DYM: variants seen among roughly 807,000 people sequenced by gnomAD.
The protein encoded by DYM is dymeclin.
DYM carries 78 observed loss-of-function variants against 93.1 expected under a neutral mutation model. The observed-to-expected ratio is 0.84, with a 90% confidence interval of 0.70 to 1.01. The LOEUF (loss-of-function observed/expected upper bound fraction) is 1.01, where lower values mean the gene tolerates loss of function less well. Ranked by LOEUF, DYM falls within the 50% of genes least tolerant of loss-of-function variation. The pLI is 0.00. For missense variants in DYM, 789 were observed against 845.0 expected (o/e 0.93, Z 0.82); for synonymous variants, 321 against 319.7 (o/e 1.00, Z -0.04).
intron 1 of DYM, among the ~76,000 whole-genome samples, chr18:49,440,455 T>C (rs1379229570): frequency 9.4e-6 from 1 of 106,044 alleles, no homozygotes; most frequent in Non-Finnish European, 1.8e-5. Flanking sequence ...ATATATTATA[T>C]ATTTATATAA....
rs1475687292 is a variant in DYM, at chr18:49,434,030, T to C, written c.-53-3583A>G. On this transcript the variant is annotated intron_variant, in intron 1 of 17. Transcript: ENST00000675505. ...TTTGAGACCAGCCTGACCAATAGGA[T>C]GAAACCCTGTCTCTATTAAAAATAC... is the stretch of plus-strand genomic sequence containing the variant. 2.0e-5 allele frequency among the ~76,000 whole-genome samples: 3 copies of C among 152,004 alleles called. No homozygotes were observed. In the East Asian group the frequency reaches 5.8e-4, roughly 29 times the overall value.
rs184901685 is a variant in DYM, at chr18:49,378,694, G to A, written c.294C>T (p.Ile98=). 9.3e-6 allele frequency: 15 copies of A among 1,612,976 alleles called. No homozygotes were observed. The change falls in exon 5 of 18, where the codon ATC becomes ATT. Residue 98 remains isoleucine, a synonymous_variant. Coordinates refer to ENST00000675505, the MANE Select transcript of DYM (RefSeq NM_001353214.3). The part of the protein sequence containing the change: ...LKLSAECQNH[I]FIWQTHNALF... ...AAGCATTGTGTGTCTGCCAAATGAAGATGTGGCTAGAAAGACCAAAATCAT... is the reference window on the plus strand; with the variant it reads ...AAGCATTGTGTGTCTGCCAAATGAAAATGTGGCTAGAAAGACCAAAATCAT...
At chr18:49,425,935 T>G (rs61642782) in intron 2 of DYM, among the ~76,000 whole-genome samples, 12,302 of 151,976 alleles carry the variant, frequency 0.081, 685 homozygotes, top group African/African-American at 0.15. Flanking sequence ...GGAACACTTT[T>G]ACACTGTTGG....
At chr18:49,209,362 A>G (rs938943900) in intron 14 of DYM, among the ~76,000 whole-genome samples, 189 bp downstream of exon 14, 1 of 152,268 alleles carries the variant, frequency 6.6e-6, no homozygotes, top group African/African-American at 2.4e-5. Context: ...GAAACATAAT[A>G]TAAATTACTT....
intron 5 of DYM, among the ~76,000 whole-genome samples, chr18:49,365,731 G>T (rs1418090565): frequency 6.6e-6 from 1 of 152,158 alleles, no homozygotes; most frequent in Non-Finnish European, 1.5e-5. Flanking sequence ...CAAGCAGCCA[G>T]CACAGTTTTT....
In DYM at chr18:49,044,105, G is replaced by A; in HGVS notation, c.2125C>T (p.Leu709=). 1 of 1,614,112 alleles carries A rather than the reference G, an allele frequency of 6.2e-7. No individual in the cohort carries two copies. The highest frequency in any genetic ancestry group is 8.5e-7 in the Non-Finnish European group (1 of 1,180,042). ...WSLVYNSAVG[L]YWNPQDIQLF... ...TGGATGTCCTGTGGATTCCAGTACA[G>A]GCCGACTGCTGAGTTGTAGACAAGA... is the stretch of plus-strand genomic sequence containing the variant. The change falls in exon 18 of 18, where the codon CTG becomes TTG. Residue 709 remains leucine, a synonymous_variant. Coordinates refer to ENST00000675505, the MANE Select transcript of DYM (RefSeq NM_001353214.3).
At chr18:49,258,609 CACAG>C (rs2094432634) in intron 11 of DYM, 116 bp from the exon 12 acceptor site, 2 of 722,914 alleles carry the variant, frequency 2.8e-6, no homozygotes, top group East Asian at 2.7e-5. Context: ...AGTTAAGCAG[CACAG>C]ACAGAGGCCA....
At chr18:49,262,260 G>A (rs901209279) in intron 11 of DYM, among the ~76,000 whole-genome samples, 13 of 152,028 alleles carry the variant, frequency 8.6e-5, no homozygotes, top group African/African-American at 2.7e-4. Flanking sequence ...TATTGCCTGC[G>A]ACCACCAGAA....
chr18:49,109,679 G>A (rs1599817752), intron 16 of DYM, among the ~76,000 whole-genome samples: 1 of 152,224 alleles, frequency 6.6e-6, no homozygotes, highest in Non-Finnish European at 1.5e-5. Context: ...AGGGTTATGT[G>A]ACAAGGGTCA....
intron 8 of DYM, among the ~76,000 whole-genome samples, chr18:49,308,808 C>T (rs2061422172): frequency 6.6e-6 from 1 of 152,068 alleles, no homozygotes; most frequent in Non-Finnish European, 1.5e-5. Context: ...CAATGGCTTC[C>T]TGCTCAGGTA....
chr18:49,287,828 CAAAAAAAAAAAAAAA>C (rs55895967), intron 8 of DYM, among the ~76,000 whole-genome samples: 4 of 74,940 alleles, frequency 5.3e-5, no homozygotes, highest in Non-Finnish European at 7.7e-5. Context: ...AACTCCGTCT[CAAAAAAAAAAAAAAA>C]AAAAAAAAAT....
chr18:49,257,684 A>T (rs1445145455), intron 12 of DYM, among the ~76,000 whole-genome samples: 5 of 19,512 alleles, frequency 2.6e-4, no homozygotes, highest in Non-Finnish European at 4.6e-4. Context: ...TTGGCTATTT[A>T]AAAAAAAAAA....
intron 17 of DYM, among the ~76,000 whole-genome samples, chr18:49,063,804 T>A (rs1269477563): frequency 6.6e-6 from 1 of 152,026 alleles, no homozygotes; most frequent in African/African-American, 2.4e-5. Context: ...CTTTTTTGTA[T>A]TTTTTGTAGA....
chr18:49,071,032 A>G (rs1024543464), intron 17 of DYM, among the ~76,000 whole-genome samples: 3 of 152,258 alleles, frequency 2.0e-5, no homozygotes, highest in Admixed American at 6.5e-5. Context: ...ATAAAGGACA[A>G]AAATAATCAC....
intron 9 of DYM, among the ~76,000 whole-genome samples, chr18:49,284,538 A>C (rs1230093096): frequency 2.0e-5 from 3 of 152,074 alleles, no homozygotes; most frequent in Non-Finnish European, 4.4e-5. Context: ...ATCTGGGCTA[A>C]TCATTTTAAA....
intron 10 of DYM, among the ~76,000 whole-genome samples, chr18:49,274,558 T>A (rs1477210661): frequency 6.6e-6 from 1 of 152,192 alleles, no homozygotes; most frequent in African/African-American, 2.4e-5. Context: ...TTTCAGGAAC[T>A]ACCAGACTGT....
intron 14 of DYM, among the ~76,000 whole-genome samples, chr18:49,184,653 A>G (rs983192281): frequency 6.6e-6 from 1 of 152,214 alleles, no homozygotes; most frequent in South Asian, 2.1e-4. Context: ...GGCAGGTCGC[A>G]TATACAACAG....
chr18:49,354,499 T>G (rs7228073), intron 6 of DYM, among the ~76,000 whole-genome samples: 151,573 of 152,226 alleles, frequency 1, 75,468 homozygotes, highest in Middle Eastern at 1. Context: ...AGAATGAGAA[T>G]AAATGCCACA....
At chr18:49,090,601 C>G (rs1356957660) in intron 17 of DYM, among the ~76,000 whole-genome samples, 1 of 152,144 alleles carries the variant, frequency 6.6e-6, no homozygotes, top group East Asian at 1.9e-4. Flanking sequence ...TACACATGCT[C>G]TACATGGATC....
Sources: gnomAD v4.1 joint callset for allele counts (sites outside exome capture counted in the v4.1 genomes callset) on GRCh38, gnomAD v4.1.1 for gene constraint, MANE v1.5 for transcripts, NCBI Gene and HGNC (gene_info 2026-07-23, HGNC 2026-07-21) for gene names.